Variants in NTN1 observed in about 807,000 individuals in gnomAD.
NTN1 encodes netrin-1.
Under a neutral mutation model 54.2 loss-of-function variants are expected in NTN1, and 11 were observed. The ratio of observed to expected loss-of-function variants is 0.20; its 90% confidence interval spans 0.13 to 0.34. The LOEUF (loss-of-function observed/expected upper bound fraction) is 0.34, where lower values mean the gene tolerates loss of function less well. NTN1 is among the 10% of genes least tolerant of loss of function. The pLI is 1.00. For missense variants in NTN1, 740 were observed against 893.1 expected, an observed-to-expected ratio of 0.83 and a Z score of 2.18; for synonymous variants, 371 against 382.0, an observed-to-expected ratio of 0.97 and a Z score of 0.33.
At chr17:9,190,620 G>C (rs1242111090) in intron 5 of NTN1, among the ~76,000 whole-genome samples, 1 of 152,208 alleles carries the variant, frequency 6.6e-6, no homozygotes, top group Non-Finnish European at 1.5e-5. Context: ...GGGAGGCCGA[G>C]GTAGGCAGAT....
intron 5 of NTN1, among the ~76,000 whole-genome samples, chr17:9,203,919 A>G (rs1904886114): frequency 6.6e-6 from 1 of 152,214 alleles, no homozygotes; most frequent in African/African-American, 2.4e-5. Context: ...GTTTGAAGGA[A>G]CCAGGAAGCC....
At chr17:9,035,825 C>G (rs2091901669) in intron 2 of NTN1, among the ~76,000 whole-genome samples, 1 of 152,180 alleles carries the variant, frequency 6.6e-6, no homozygotes, top group African/African-American at 2.4e-5. Flanking sequence ...AGTTCAAAAC[C>G]AGCCTGGCCA....
chr17:9,083,924 C>A (rs576375646), intron 2 of NTN1, among the ~76,000 whole-genome samples: 1 of 152,246 alleles, frequency 6.6e-6, no homozygotes, highest in East Asian at 1.9e-4. Flanking sequence ...TGCTTCTGGG[C>A]TCTGGCCTTT....
At chr17:9,094,976 G>A (rs992866469) in intron 2 of NTN1, among the ~76,000 whole-genome samples, 31 of 128,922 alleles carry the variant, frequency 2.4e-4, no homozygotes, top group African/African-American at 8.9e-4. Flanking sequence ...GCAACAGAGC[G>A]AGACTCCGTC....
upstream of NTN1, among the ~76,000 whole-genome samples, chr17:9,018,361 G>T (rs1028890942): frequency 6.6e-6 from 1 of 152,148 alleles, no homozygotes; most frequent in Non-Finnish European, 1.5e-5. Context: ...GCTGGGCGCG[G>T]TGGCTCACTC....
rs117987602 is a variant in NTN1, at chr17:9,056,472, T to C, written c.1018+33081T>C. 8.1e-3 allele frequency among the ~76,000 whole-genome samples: 1,236 copies of C among 152,240 alleles called. 6 individuals are homozygous for C. The highest frequency in any genetic ancestry group is 0.013 in the Non-Finnish European group (913 of 68,008). On this transcript the variant is annotated intron_variant, in intron 2 of 6. Coordinates refer to ENST00000173229, the MANE Select transcript of NTN1 (RefSeq NM_004822.3). ...CATGAGAGAATTTTAGATAGGATGG[T>C]GGTCTGTCTTTCTGTTAGTTGGTGG...
chr17:9,161,647 G>T (rs972461177), intron 2 of NTN1, among the ~76,000 whole-genome samples: 2 of 152,116 alleles, frequency 1.3e-5, no homozygotes, highest in Non-Finnish European at 2.9e-5. Context: ...GCGTGGTGGT[G>T]TGCACCTGTA....
intron 5 of NTN1, among the ~76,000 whole-genome samples, chr17:9,190,852 GA>G (rs879564741): frequency 5.9e-4 from 85 of 143,610 alleles, no homozygotes; most frequent in South Asian, 1.3e-3. Context: ...ACTGTGTCTG[GA>G]AAAAAAAAAA....
intron 6 of NTN1, among the ~76,000 whole-genome samples, chr17:9,229,097 ACTGTGACTGTGAGT>A (rs1905716493): frequency 4.3e-4 from 1 of 2,336 alleles, no homozygotes; most frequent in Non-Finnish European, 8.4e-4. Context: ...TGTGACTGAG[ACTGTGACTGTGAGT>A]GTGTGACTGT....
intron 3 of NTN1, among the ~76,000 whole-genome samples, chr17:9,164,722 G>T (rs1319267070): frequency 6.6e-6 from 1 of 152,136 alleles, no homozygotes; most frequent in Non-Finnish European, 1.5e-5. Flanking sequence ...TTCTGTGTCT[G>T]CGGACTTACG....
chr17:9,098,601 A>G (rs1470144283), intron 2 of NTN1, among the ~76,000 whole-genome samples: 2 of 152,196 alleles, frequency 1.3e-5, no homozygotes. Context: ...CTGTTTTCAT[A>G]TGATCTGGAC....
In NTN1 at chr17:9,196,569, G is replaced by C. The variant is rs552350019; in HGVS notation, c.1411+13600G>C. ...GTCTCCTGCCTCTGCCCTGGGGCAT[G>C]GTTCATGGACCTTGTCTTTGCCATC... On this transcript the variant is annotated intron_variant, in intron 5 of 6. Coordinates refer to ENST00000173229, the MANE Select transcript of NTN1 (RefSeq NM_004822.3). Among the ~76,000 whole-genome samples, 9 of 152,374 alleles carry C rather than the reference G, an allele frequency of 5.9e-5. No homozygotes were observed. The South Asian group carries it at 1.7e-3, about 28-fold the overall frequency.
chr17:9,067,316 C>G (rs977221866), intron 2 of NTN1, among the ~76,000 whole-genome samples: 1 of 151,496 alleles, frequency 6.6e-6, no homozygotes, highest in Non-Finnish European at 1.5e-5. Context: ...ATGATAATGT[C>G]TCCTAAGGCT....
Position 9,022,306 on chromosome 17 carries a change from C to T in NTN1, c.-63-5C>T, listed in dbSNP as rs2091852334. On this transcript the variant is annotated splice_region_variant and splice_polypyrimidine_tract_variant and intron_variant, in intron 1 of 6. Transcript: ENST00000173229. ...TGGCTGAGCGCAGCTCCCTTCTCTC[C>T]GCAGGCGCCTTCTGCGGCAGGCGGA... 3.2e-6 allele frequency: 4 copies of T among 1,259,088 alleles called. No individual in the cohort carries two copies. The highest frequency in any genetic ancestry group is 4.0e-6 in the Non-Finnish European group (4 of 1,006,028). 78.0% of individuals were successfully genotyped at this position (1,259,088 alleles called of 1,614,324 possible).
At chr17:9,191,932 G>A (rs980264864) in intron 5 of NTN1, among the ~76,000 whole-genome samples, 12 of 145,106 alleles carry the variant, frequency 8.3e-5, no homozygotes, top group Non-Finnish European at 1.6e-4. Flanking sequence ...CAGCTATCAC[G>A]CCACTGCACG....
rs1345968008 is a variant in NTN1, at chr17:9,022,384, C to T, written c.11C>T (p.Ala4Val). 5 of 1,317,542 alleles carry T rather than the reference C, an allele frequency of 3.8e-6. No homozygotes were observed. Among genetic ancestry groups the T allele is most frequent in the Middle Eastern group, 2.6e-4 (1 of 3,834 alleles). The allele number at this position is 1,317,542 out of a possible 1,614,324, so 81.6% of individuals were successfully genotyped here. A position where few individuals can be genotyped will look rare whatever the true frequency, so the allele number is the denominator to read the frequency against. Reference protein sequence around the residue: MMRAVWEALAALAA... With the variant: MMRVVWEALAALAA... ...CAAGCTGGACGCAGCATGATGCGCG[C>T]AGTGTGGGAGGCGCTGGCGGCGCTG... is the stretch of plus-strand genomic sequence containing the variant. Residue 4 changes from alanine to valine, a missense_variant, in exon 2 of 7, where the codon GCA (alanine) becomes GTA (valine). Ala to Val is a moderately conservative substitution (Grantham distance 64, BLOSUM62 0). Coordinates refer to ENST00000173229, the MANE Select transcript of NTN1 (RefSeq NM_004822.3).
rs1338401167 is a variant in NTN1 at position 9,023,222 on chromosome 17, C to T, written c.849C>T (p.Gly283=). ...CGGTGTCCGACCTGCAGGTGGGCGG[C>T]CGGTGCAAGTGCAACGGCCACGCGG... ...FYAVSDLQVG[G]RCKCNGHAAR... Residue 283 remains glycine (G), a synonymous_variant, in exon 2 of 7, where the codon GGC becomes GGT. Transcript: ENST00000173229. The T allele has an allele frequency of 7.7e-6, 12 of 1,562,100 alleles. No homozygotes were observed. The highest frequency in any genetic ancestry group is 1.0e-5 in the Non-Finnish European group (12 of 1,151,794).
intron 2 of NTN1, among the ~76,000 whole-genome samples, chr17:9,067,953 G>T (rs1306306387): frequency 6.6e-6 from 1 of 152,296 alleles, no homozygotes; most frequent in East Asian, 1.9e-4. Flanking sequence ...GGGCATGCTG[G>T]TGTGCGCCTG....
At chr17:9,205,957 T>C (rs1051966704) in intron 5 of NTN1, among the ~76,000 whole-genome samples, 2 of 152,170 alleles carry the variant, frequency 1.3e-5, no homozygotes, top group African/African-American at 4.8e-5. Flanking sequence ...TCATCACCAT[T>C]CCGGTTGCTC....
Sources: gnomAD v4.1 joint callset for allele counts (sites outside exome capture counted in the v4.1 genomes callset) on GRCh38, gnomAD v4.1.1 for gene constraint, MANE v1.5 for transcripts, NCBI Gene and HGNC (gene_info 2026-07-23, HGNC 2026-07-21) for gene names.